GCNT2: variants seen among roughly 807,000 people sequenced by gnomAD.
GCNT2 encodes the protein glucosaminyl (N-acetyl) transferase 2 (I blood group), also known as N-acetyllactosaminide beta-1,6-N-acetylglucosaminyl-transferase.
A neutral mutation model predicts 34.2 loss-of-function variants in GCNT2; 34 were observed. The observed-to-expected ratio is 1.00, with a 90% CI of 0.76 to 1.32. The LOEUF (loss-of-function observed/expected upper bound fraction) is 1.32, where lower values mean the gene tolerates loss of function less well. Ranked by LOEUF, GCNT2 falls within the 40% of genes most tolerant of loss-of-function variation. The pLI, the probability that GCNT2 is intolerant of heterozygous loss-of-function variation, is 0.00. For missense variants in GCNT2, 584 were observed against 489.4 expected (o/e 1.19, Z -1.82); for synonymous variants, 212 against 188.0 (o/e 1.13, Z -1.04).
At chr6:10,591,313 G>A (rs1370929570) in intron 3 of GCNT2, among the ~76,000 whole-genome samples, 3 of 152,188 alleles carry the variant, frequency 2.0e-5, no homozygotes, top group Non-Finnish European at 4.4e-5. Flanking sequence ...CTGAGAAGAT[G>A]GGCAGAACCT....
At chr6:10,570,172 T>C (rs1763495515) in intron 3 of GCNT2, among the ~76,000 whole-genome samples, 1 of 152,158 alleles carries the variant, frequency 6.6e-6, no homozygotes, top group Admixed American at 6.5e-5. Flanking sequence ...TGGACTCAAG[T>C]GATTCACCTG....
At chr6:10,590,714 C>T (rs754308082) in intron 3 of GCNT2, among the ~76,000 whole-genome samples, 44 of 152,094 alleles carry the variant, frequency 2.9e-4, no homozygotes, top group African/African-American at 9.6e-4. Flanking sequence ...CCACCAAGCC[C>T]GGCTAATTTT....
At chr6:10,617,880 G>A (rs1212938352) in intron 3 of GCNT2, among the ~76,000 whole-genome samples, 3 of 150,566 alleles carry the variant, frequency 2.0e-5, no homozygotes, top group East Asian at 2.0e-4. Context: ...TCAGCCTACT[G>A]TGTAGCAGAG....
chr6:10,530,959 C>T (rs1230532521), intron 3 of GCNT2, among the ~76,000 whole-genome samples: 1 of 150,022 alleles, frequency 6.7e-6, no homozygotes, highest in Non-Finnish European at 1.5e-5. Context: ...AAGGCTGAGG[C>T]AGTAGAATCG....
intron 3 of GCNT2, among the ~76,000 whole-genome samples, chr6:10,608,151 C>T (rs1057005723): frequency 6.7e-6 from 1 of 149,056 alleles, no homozygotes; most frequent in African/African-American, 2.5e-5. Context: ...GATCTCGGCT[C>T]ACTGCAATCT....
chr6:10,586,197 C>G lies in GCNT2; in HGVS notation c.926-35154C>G, dbSNP rs202027643. ...GGAAAATATATTACCATCACCTTTG[C>G]GAAGTGTCCCTTGCAAGGATTACCT... is the stretch of plus-strand genomic sequence containing the variant. On this transcript the variant is annotated intron_variant, in intron 3 of 4. Coordinates refer to ENST00000495262, the MANE Select transcript of GCNT2 (RefSeq NM_145649.5). 68 of 1,614,092 alleles carry G rather than the reference C, an allele frequency of 4.2e-5. 2 individuals are homozygous for G. In the Admixed American group the frequency reaches 1.1e-3, roughly 26 times the overall value.
chr6:10,582,023 T>TCA (rs1764091764), intron 3 of GCNT2: 1 of 193,870 alleles, frequency 5.2e-6, no homozygotes, highest in Non-Finnish European at 9.0e-6. Flanking sequence ...TATATGTATA[T>TCA]ATCATATGTA....
intron 3 of GCNT2, among the ~76,000 whole-genome samples, chr6:10,615,320 C>T (rs1401940424): frequency 6.6e-6 from 1 of 152,070 alleles, no homozygotes; most frequent in African/African-American, 2.4e-5. Flanking sequence ...GCGTGGGTCT[C>T]AATTTCTTTT....
At chr6:10,623,001 C>T (rs774993944) in intron 4 of GCNT2, among the ~76,000 whole-genome samples, 1 of 151,938 alleles carries the variant, frequency 6.6e-6, no homozygotes, top group Admixed American at 6.6e-5. Context: ...GATCTGCCCC[C>T]CTTGGTCCCC....
intron 3 of GCNT2, among the ~76,000 whole-genome samples, chr6:10,533,375 G>A: frequency 6.6e-6 from 1 of 152,068 alleles, no homozygotes; most frequent in African/African-American, 2.4e-5. Context: ...CATGGGAAGG[G>A]AGAACAGCAC....
At chr6:10,559,125 A>G (rs1248675097) in intron 3 of GCNT2, among the ~76,000 whole-genome samples, 1 of 150,772 alleles carries the variant, frequency 6.6e-6, no homozygotes, top group African/African-American at 2.4e-5. Flanking sequence ...TTAAATGTAA[A>G]TATCTGTGGT....
chr6:10,566,719 A>G (rs930572664), intron 3 of GCNT2, among the ~76,000 whole-genome samples: 1 of 152,240 alleles, frequency 6.6e-6, no homozygotes, highest in Non-Finnish European at 1.5e-5. Context: ...AGCAGTACTC[A>G]AGATGATGGA....
chr6:10,535,903 C>A (rs1331520277), intron 3 of GCNT2, among the ~76,000 whole-genome samples: 1 of 152,188 alleles, frequency 6.6e-6, no homozygotes, highest in Non-Finnish European at 1.5e-5. Flanking sequence ...AGCCTGCGGA[C>A]TAGCCCTATT....
intron 3 of GCNT2, among the ~76,000 whole-genome samples, chr6:10,540,469 C>T (rs1003730388): frequency 4.6e-5 from 7 of 152,224 alleles, no homozygotes; most frequent in Non-Finnish European, 8.8e-5. Flanking sequence ...ACCTTATCCA[C>T]ACTTCTCTTG....
At chr6:10,620,688 C>T (rs752847942) in intron 3 of GCNT2, among the ~76,000 whole-genome samples, 6 of 152,080 alleles carry the variant, frequency 3.9e-5, no homozygotes, top group Non-Finnish European at 7.3e-5. Context: ...GCAACTTCTT[C>T]TCTAGTAATG....
intron 3 of GCNT2, among the ~76,000 whole-genome samples, chr6:10,579,645 G>A (rs1278533235): frequency 2.0e-5 from 3 of 151,698 alleles, no homozygotes; most frequent in African/African-American, 7.3e-5. Flanking sequence ...GTGAAATCCC[G>A]TCTCTACTAA....
At chr6:10,522,478 G>A (rs1293848551) in intron 1 of GCNT2, among the ~76,000 whole-genome samples, 1 of 152,134 alleles carries the variant, frequency 6.6e-6, no homozygotes, top group Non-Finnish European at 1.5e-5. Context: ...TAGTAGATTG[G>A]CCAAATAGAG....
rs1181913965 is a variant in GCNT2 at position 10,604,858 on chromosome 6, C to CA, written c.926-16485dup. Reference sequence around the variant, plus strand: ...TGGGTGACAGAGTGAGACCTTGTCTCAAAAAAAAGAAAAAGAAAAAGAAAG... The same window carrying CA: ...TGGGTGACAGAGTGAGACCTTGTCTCAAAAAAAAAGAAAAAGAAAAAGAAAG... On this transcript the variant is annotated intron_variant, in intron 3 of 4. Transcript: ENST00000495262. Among the ~76,000 whole-genome samples, 21 of 84,718 alleles carry CA rather than the reference C, an allele frequency of 2.5e-4. No individual in the cohort carries two copies. In the East Asian group the frequency reaches 6.5e-3, roughly 26 times the overall value. The allele number at this position is 84,718 out of a possible 152,430, so 55.6% of individuals were successfully genotyped here. A position where few individuals can be genotyped will look rare whatever the true frequency, so the allele number is the denominator to read the frequency against.
At chr6:10,541,260 G>A (rs944373608) in intron 3 of GCNT2, among the ~76,000 whole-genome samples, 1 of 152,126 alleles carries the variant, frequency 6.6e-6, no homozygotes, top group African/African-American at 2.4e-5. Flanking sequence ...AGAACATGCG[G>A]TGTTTGGGTA....
Sources: allele counts gnomAD v4.1 joint callset (sites outside exome capture counted in the v4.1 genomes callset), GRCh38; gene constraint gnomAD v4.1.1; transcripts MANE v1.5; gene names NCBI Gene and HGNC (gene_info 2026-07-23, HGNC 2026-07-21).